Variants in ABCA9 observed in about 807,000 individuals in gnomAD.
The protein encoded by ABCA9 is ATP-binding cassette sub-family A member 9.
Under a neutral mutation model 205.3 loss-of-function variants are expected in ABCA9, and 183 were observed. The observed-to-expected ratio is 0.89, with a 90% CI of 0.79 to 1.01. The LOEUF (loss-of-function observed/expected upper bound fraction) is 1.01, where lower values mean the gene tolerates loss of function less well. Among genes scored for constraint, ABCA9 ranks in the 50% least tolerant of loss-of-function variants. The probability of loss-of-function intolerance (pLI) is 0.00; values close to 1 mark genes in which losing one functional copy is unlikely to be tolerated. For synonymous variants in ABCA9, 651 were observed against 683.3 expected, an observed-to-expected ratio of 0.95 and a Z score of 0.74; for missense variants, 1,805 against 1,912.4, an observed-to-expected ratio of 0.94 and a Z score of 1.05.
In ABCA9 at chr17:69,051,107, C is replaced by A. The variant is rs192958871; in HGVS notation, c.20G>T (p.Ser7Ile). ...AAGAGCCCATGTTTGCTGACCCACG[C>A]TCATGCGTCTCTTGCTCATTTTGAC... MSKRRM[S>I]VGQQTWALLC... The change falls in exon 2 of 39, where the codon AGC becomes ATC. Residue 7 changes from serine (S) to isoleucine (I), a missense_variant. Coordinates refer to ENST00000340001, the MANE Select transcript of ABCA9 (RefSeq NM_080283.4). The A allele has an allele frequency of 6.2e-7, 1 of 1,613,488 alleles. No homozygotes were observed. Among genetic ancestry groups the A allele is most frequent in the African/African-American group, 1.3e-5 (1 of 74,882 alleles).
At chr17:69,059,404 A>G (rs9284343) in intron 1 of ABCA9, among the ~76,000 whole-genome samples, 131,234 of 151,850 alleles carry the variant, frequency 0.86, 57,786 homozygotes, top group East Asian at 1. Context: ...GGAGGCAGAC[A>G]AGATCAGAGT....
At chr17:69,028,177 T>A (rs1349033559) in intron 12 of ABCA9, among the ~76,000 whole-genome samples, 1 of 152,026 alleles carries the variant, frequency 6.6e-6, no homozygotes, top group Non-Finnish European at 1.5e-5. Context: ...ATTACATAAT[T>A]TTTTTTTGGA....
At chr17:69,065,870 A>G (rs554585466), upstream of ABCA9, among the ~76,000 whole-genome samples, 1 of 152,212 alleles carries the variant, frequency 6.6e-6, no homozygotes, top group South Asian at 2.1e-4. Context: ...CTTGTGATAG[A>G]GAGTGAGTTC....
intron 26 of ABCA9, 37 bp downstream of exon 26, chr17:68,995,858 C>G: frequency 6.2e-7 from 1 of 1,609,542 alleles, no homozygotes; most frequent in South Asian, 1.1e-5. Context: ...AATGACCACA[C>G]ATTTCATGAC....
rs369128508 is a variant in ABCA9, at chr17:69,007,878, A to T, written c.3322-6T>A. 59 of 1,564,870 alleles carry T rather than the reference A, an allele frequency of 3.8e-5. No homozygotes were observed. The African/African-American group carries it at 6.9e-4, about 18-fold the overall frequency. ...TAGCCAATACTACACAGGATCTGAAAACAGAAATGTTAAGGTCCAATAAGG... is the reference window on the plus strand; with the variant it reads ...TAGCCAATACTACACAGGATCTGAATACAGAAATGTTAAGGTCCAATAAGG... On this transcript the variant is annotated splice_polypyrimidine_tract_variant and splice_region_variant and intron_variant, in intron 24 of 38. Transcript: ENST00000340001.
chr17:69,007,251 A>T (rs2144171197), intron 25 of ABCA9, among the ~76,000 whole-genome samples: 1 of 152,194 alleles, frequency 6.6e-6, no homozygotes, highest in South Asian at 2.1e-4. Flanking sequence ...AAATACAAAA[A>T]TTAGCCGGGT....
chr17:69,028,693 T>G, intron 11 of ABCA9, 48 bp from the exon 12 acceptor site: 3 of 1,172,170 alleles, frequency 2.6e-6, no homozygotes, highest in Non-Finnish European at 3.6e-6. Context: ...CATATTAACT[T>G]TACAGTCTCT....
Position 69,027,728 on chromosome 17 carries a change from T to G in ABCA9, c.1703A>C (p.Asn568Thr). The change falls in exon 13 of 39, where the codon AAT becomes ACT. Residue 568 changes from asparagine (N) to threonine (T), a missense_variant. Physicochemically the swap from Asn to Thr is moderately conservative, Grantham distance 65. Transcript: ENST00000340001. Reference protein sequence around the residue: ...SKFTGFCPQSNVQFGFLTVKE... With the variant: ...SKFTGFCPQSTVQFGFLTVKE... ...CACAGTGAGAAATCCAAATTGCACA[T>G]TGGATTGTGGACAAAATCCAGTGAA... The G allele has an allele frequency of 6.2e-7, 1 of 1,613,178 alleles. No homozygotes were observed. Among genetic ancestry groups the G allele is most frequent in the East Asian group, 2.2e-5 (1 of 44,804 alleles).
intron 36 of ABCA9, 112 bp downstream of exon 36, chr17:68,983,597 G>A (rs1041748094): frequency 5.0e-6 from 7 of 1,405,828 alleles, no homozygotes; most frequent in Non-Finnish European, 6.8e-6. Context: ...TAAAGTACTT[G>A]CAATTACCAT....
chr17:69,008,256 T>TC (rs1262605428), intron 23 of ABCA9, 21 bp from the exon 24 acceptor site: 5 of 1,608,102 alleles, frequency 3.1e-6, no homozygotes, highest in Non-Finnish European at 4.2e-6. Context: ...AATAGAAGAA[T>TC]CATCAAAAGG....
chr17:69,042,186 A>G (rs4968992), intron 6 of ABCA9: 54,896 of 152,026 alleles, frequency 0.36, 10,218 homozygotes, highest in East Asian at 0.68. Context: ...CTCTACTGTC[A>G]TCTCTGGCCA....
chr17:68,980,576 A>C (rs1347292444), intron 37 of ABCA9, among the ~76,000 whole-genome samples: 1 of 152,050 alleles, frequency 6.6e-6, no homozygotes, highest in Admixed American at 6.5e-5. Flanking sequence ...AAAATGTGGC[A>C]CATATACACC....
rs1180528835 is a variant in ABCA9, at chr17:69,021,726, T to C, written c.2401+16A>G. ...CTTTCTTTCTCCCTTTCTTTCTCTT[T>C]CTTATTTTTTCTTACCTGATTCATC... On this transcript the variant is annotated intron_variant, in intron 18 of 38. Coordinates refer to ENST00000340001, the MANE Select transcript of ABCA9 (RefSeq NM_080283.4). 1.5e-5 allele frequency: 22 copies of C among 1,476,858 alleles called. No homozygotes were observed. The highest frequency in any genetic ancestry group is 2.3e-5 in the East Asian group (1 of 43,508). The allele number at this position is 1,476,858 out of a possible 1,614,324, so 91.5% of individuals were successfully genotyped here. A position where few individuals can be genotyped will look rare whatever the true frequency, so the allele number is the denominator to read the frequency against.
At chr17:68,983,940 A>G in intron 35 of ABCA9, 91 bp from the exon 36 acceptor site, 1 of 1,602,936 alleles carries the variant, frequency 6.2e-7, no homozygotes, top group South Asian at 1.1e-5. Flanking sequence ...GTAAGGCCAC[A>G]TAGAGTTGGA....
Position 68,989,137 on chromosome 17 carries a change from C to T in ABCA9, c.3956-19G>A, listed in dbSNP as rs1391309977. 6.7e-7 allele frequency: 1 copy of T among 1,494,600 alleles called. No homozygotes were observed. Among genetic ancestry groups the T allele is most frequent in the East Asian group, 2.3e-5 (1 of 44,210 alleles). 92.6% of individuals were successfully genotyped at this position (1,494,600 alleles called of 1,614,324 possible). ...ACTTCACCTGAAAGAAAGTGGTATG[C>T]TCAGAAATATACAAATAATTGCAAC... On this transcript the variant is annotated intron_variant, in intron 30 of 38. Transcript: ENST00000340001.
chr17:69,011,130 C>T (rs2070355977), intron 23 of ABCA9, among the ~76,000 whole-genome samples: 1 of 152,154 alleles, frequency 6.6e-6, no homozygotes, highest in Non-Finnish European at 1.5e-5. Context: ...TATATCACCA[C>T]ATCCTCACAG....
intron 30 of ABCA9, among the ~76,000 whole-genome samples, chr17:68,989,601 C>T (rs1432660547): frequency 6.6e-6 from 1 of 152,118 alleles, no homozygotes; most frequent in East Asian, 1.9e-4. Context: ...TGTTGTTGTT[C>T]TGTTTGTTTG....
At chr17:69,041,010 G>A (rs1003104962) in intron 6 of ABCA9, among the ~76,000 whole-genome samples, 7 of 152,070 alleles carry the variant, frequency 4.6e-5, no homozygotes, top group Non-Finnish European at 8.8e-5. Context: ...CTGAGAGGTA[G>A]TTATTTAATC....
the ABCA9 span, among the ~76,000 whole-genome samples, chr17:69,073,938 G>T: frequency 6.6e-6 from 1 of 152,082 alleles, no homozygotes; most frequent in African/African-American, 2.4e-5. Context: ...GTGGTCCCAA[G>T]TGATCTTCCC....
Sources: gnomAD v4.1 joint callset for allele counts (sites outside exome capture counted in the v4.1 genomes callset) on GRCh38, gnomAD v4.1.1 for gene constraint, MANE v1.5 for transcripts, NCBI Gene and HGNC (gene_info 2026-07-23, HGNC 2026-07-21) for gene names.